The following AKAP10 variants were observed in gnomAD, a reference collection of about 807,000 sequenced individuals.
The protein encoded by AKAP10 is A-kinase anchoring protein 10.
In AKAP10, 24 loss-of-function variants were observed where a neutral mutation model predicts 80.8. That is an observed-to-expected ratio of 0.30 (90% confidence interval 0.22 to 0.42). AKAP10 has a LOEUF of 0.42. Ranked by LOEUF, AKAP10 falls within the 10% of genes least tolerant of loss-of-function variation. The pLI is 1.00. For synonymous variants in AKAP10, 291 were observed against 277.7 expected, an observed-to-expected ratio of 1.05 and a Z score of -0.48; for missense variants, 661 against 794.9, an observed-to-expected ratio of 0.83 and a Z score of 2.03.
At chr17:19,971,496 G>A (rs1459248940) in intron 1 of AKAP10, among the ~76,000 whole-genome samples, 1 of 147,600 alleles carries the variant, frequency 6.8e-6, no homozygotes, top group Non-Finnish European at 1.5e-5. Context: ...GCAACAGAGT[G>A]AGACTCCATC....
intron 9 of AKAP10, 68 bp downstream of exon 9, chr17:19,936,218 A>C (rs1195051528): frequency 6.6e-7 from 1 of 1,526,266 alleles, no homozygotes; most frequent in Non-Finnish European, 8.9e-7. Flanking sequence ...TGGTTTTCCC[A>C]CCTTATATTT....
intron 12 of AKAP10, among the ~76,000 whole-genome samples, chr17:19,918,519 A>C (rs1314470083): frequency 2.0e-5 from 3 of 152,130 alleles, no homozygotes; most frequent in East Asian, 3.9e-4. Flanking sequence ...ACAGGGTTTC[A>C]CCATGTTGGC....
Position 19,950,237 on chromosome 17 carries a change from ATAAG to A in AKAP10, c.878-2736_878-2733del, listed in dbSNP as rs560366668. On this transcript the variant is annotated intron_variant, in intron 4 of 14. Coordinates refer to ENST00000225737, the MANE Select transcript of AKAP10 (RefSeq NM_007202.4). ...GAGAATCACTCAAAAAAATAAATAAATAAGTAAGATAAATAAATTTAAGGAAAAA... is the reference window on the plus strand; with the variant it reads ...GAGAATCACTCAAAAAAATAAATAAATAAGATAAATAAATTTAAGGAAAAA... Among the ~76,000 whole-genome samples, 314 of 152,320 alleles carry A rather than the reference ATAAG, an allele frequency of 2.1e-3. 1 individual carries two copies. Among genetic ancestry groups the A allele is most frequent in the African/African-American group, 6.1e-3 (254 of 41,586 alleles).
intron 5 of AKAP10, among the ~76,000 whole-genome samples, 161 bp from the exon 6 acceptor site, chr17:19,942,071 TC>T (rs1416382599): frequency 6.6e-6 from 1 of 152,202 alleles, no homozygotes. Flanking sequence ...AAATAGAAAG[TC>T]TTTTGAAGTA....
chr17:19,943,689 C>A (rs2043073295), intron 5 of AKAP10, among the ~76,000 whole-genome samples: 1 of 152,148 alleles, frequency 6.6e-6, no homozygotes, highest in Non-Finnish European at 1.5e-5. Flanking sequence ...ATTTATTGAA[C>A]CCAAGGAGGG....
At chr17:19,952,539 C>A (rs2043227581) in intron 4 of AKAP10, among the ~76,000 whole-genome samples, 1 of 151,296 alleles carries the variant, frequency 6.6e-6, no homozygotes, top group Non-Finnish European at 1.5e-5. Context: ...ACAAGAAGCC[C>A]CCTTTAAATA....
At chr17:19,956,446 A>T (rs2043276528) in intron 4 of AKAP10, among the ~76,000 whole-genome samples, 1 of 152,348 alleles carries the variant, frequency 6.6e-6, no homozygotes, top group Non-Finnish European at 1.5e-5. Flanking sequence ...TTATCAGACA[A>T]ATATACATTT....
intron 12 of AKAP10, 112 bp from the exon 13 acceptor site, chr17:19,910,090 G>A (rs745555667): frequency 2.3e-5 from 22 of 952,926 alleles, no homozygotes; most frequent in Non-Finnish European, 3.2e-5. Flanking sequence ...CACTTTGGGA[G>A]GCCGAGGTGG....
At chr17:19,964,541 A>G (rs2043393118) in intron 2 of AKAP10, among the ~76,000 whole-genome samples, 1 of 152,122 alleles carries the variant, frequency 6.6e-6, no homozygotes, top group African/African-American at 2.4e-5. Context: ...TTATTACCAG[A>G]GCAATAATTT....
intron 10 of AKAP10, among the ~76,000 whole-genome samples, chr17:19,931,298 A>C (rs1310713893): frequency 6.6e-6 from 1 of 152,122 alleles, no homozygotes; most frequent in Admixed American, 6.5e-5. Flanking sequence ...TAATGGCCTA[A>C]ATGAAACAGC....
At chr17:19,971,019 T>C (rs1290812429) in intron 1 of AKAP10, among the ~76,000 whole-genome samples, 1 of 151,726 alleles carries the variant, frequency 6.6e-6, no homozygotes, top group Non-Finnish European at 1.5e-5. Flanking sequence ...CATACCTAAT[T>C]ATCCTTTCTG....
chr17:19,955,188 C>T (rs1157273401), intron 4 of AKAP10, among the ~76,000 whole-genome samples: 4 of 151,612 alleles, frequency 2.6e-5, no homozygotes, highest in African/African-American at 9.7e-5. Context: ...CCTCACTGCA[C>T]TCCAGCTCGG....
rs751091772 is a variant in AKAP10, at chr17:19,931,916, A to G, written c.1530T>C (p.His510=). The G allele has an allele frequency of 1.2e-6, 2 of 1,614,128 alleles. No individual in the cohort carries two copies. The highest frequency in any genetic ancestry group is 4.5e-5 in the East Asian group (2 of 44,878). The change falls in exon 10 of 15, where the codon CAT becomes CAC. Residue 510 remains histidine, a synonymous_variant. Transcript: ENST00000225737. Reference sequence around the variant, plus strand: ...CCAGAAATTCATCTCCTCGAACCGAATGGATGAGATCATTCAAATATTTAT... The same window carrying G: ...CCAGAAATTCATCTCCTCGAACCGAGTGGATGAGATCATTCAAATATTTAT... ...LYYKYLNDLI[H]SVRGDEFLGG...
intron 12 of AKAP10, among the ~76,000 whole-genome samples, chr17:19,912,215 G>C (rs2152409649): frequency 6.6e-6 from 1 of 152,250 alleles, no homozygotes; most frequent in South Asian, 2.1e-4. Context: ...AGAAGTTTGA[G>C]ACCAGTCTAA....
chr17:19,957,248 A>G lies in AKAP10; in HGVS notation c.877+766T>C, dbSNP rs187481830. On this transcript the variant is annotated intron_variant, in intron 4 of 14. Coordinates refer to ENST00000225737, the MANE Select transcript of AKAP10 (RefSeq NM_007202.4). ...TAAGCCCTGGTTTTCTCATGTGTAAATAAGATAATCAGTCCGGGCGCGGTG... is the reference window on the plus strand; with the variant it reads ...TAAGCCCTGGTTTTCTCATGTGTAAGTAAGATAATCAGTCCGGGCGCGGTG... 5.3e-5 allele frequency among the ~76,000 whole-genome samples: 8 copies of G among 152,032 alleles called. 1 individual carries two copies. The highest frequency in any genetic ancestry group is 5.2e-4 in the Admixed American group (8 of 15,244).
At chr17:19,947,641 T>C in intron 4 of AKAP10, 136 bp from the exon 5 acceptor site, 1 of 712,172 alleles carries the variant, frequency 1.4e-6, no homozygotes, top group Non-Finnish European at 2.5e-6. Context: ...AGGTGCTTTT[T>C]CATTGTTTGG....
At chr17:19,934,259 G>A (rs1207737641) in intron 9 of AKAP10, among the ~76,000 whole-genome samples, 1 of 152,122 alleles carries the variant, frequency 6.6e-6, no homozygotes, top group Admixed American at 6.5e-5. Context: ...AATACCTTGT[G>A]ATCATAATAC....
At chr17:19,916,484 A>G (rs755051861) in intron 12 of AKAP10, among the ~76,000 whole-genome samples, 3 of 152,204 alleles carry the variant, frequency 2.0e-5, no homozygotes, top group South Asian at 2.1e-4. Context: ...AATTTCCTAT[A>G]TATCTTCAAC....
At chr17:19,968,871 G>A (rs2043458086) in intron 1 of AKAP10, among the ~76,000 whole-genome samples, 1 of 152,202 alleles carries the variant, frequency 6.6e-6, no homozygotes, top group African/African-American at 2.4e-5. Flanking sequence ...GCTTAGAAGA[G>A]TAACTAGCAC....
Sources: allele counts gnomAD v4.1 joint callset (sites outside exome capture counted in the v4.1 genomes callset), GRCh38; gene constraint gnomAD v4.1.1; transcripts MANE v1.5; gene names NCBI Gene and HGNC (gene_info 2026-07-23, HGNC 2026-07-21).